THAP8: variants seen among roughly 807,000 people sequenced by gnomAD.
THAP8 encodes THAP domain-containing protein 8.
A neutral mutation model predicts 25.0 loss-of-function variants in THAP8; 24 were observed. The observed-to-expected ratio is 0.96, with a 90% confidence interval of 0.69 to 1.35. THAP8 has a LOEUF of 1.35. THAP8 is among the 40% of genes most tolerant of loss of function. THAP8 has a pLI of 0.00. For missense variants in THAP8, 399 were observed against 368.8 expected, an observed-to-expected ratio of 1.08 and a Z score of -0.67; for synonymous variants, 169 against 157.6, an observed-to-expected ratio of 1.07 and a Z score of -0.54.
rs191725038 is a variant in THAP8, at chr19:36,053,121, G to T, written c.83+1014C>A. Among the ~76,000 whole-genome samples the T allele has an allele frequency of 7.7e-4, 117 of 151,816 alleles. 1 individual carries two copies. The East Asian group carries it at 0.022, about 29-fold the overall frequency. ...TCACTCTTGTTGCCCACGCTGGATT[G>T]CAGTGGCCTCATCTTGGCTCACTGC... On this transcript the variant is annotated intron_variant, in intron 1 of 3. Transcript: ENST00000292894.
upstream of THAP8, chr19:36,054,729 G>A: frequency 3.3e-6 from 2 of 601,072 alleles, no homozygotes; most frequent in South Asian, 3.9e-5. Flanking sequence ...AAGACCCCAT[G>A]ACGCTTAATC....
chr19:36,037,447 G>A (rs769866590), intron 3 of THAP8, among the ~76,000 whole-genome samples: 5 of 151,828 alleles, frequency 3.3e-5, no homozygotes, highest in Non-Finnish European at 7.4e-5. Flanking sequence ...TACAGAGATT[G>A]CAAACTCCAG....
At chr19:36,035,943 T>C (rs1392070494) in intron 3 of THAP8, among the ~76,000 whole-genome samples, 1 of 151,626 alleles carries the variant, frequency 6.6e-6, no homozygotes, top group Non-Finnish European at 1.5e-5. Context: ...GGGAAACAGG[T>C]GGCGGACAGA....
Position 36,035,331 on chromosome 19 carries a change from G to T in THAP8, c.*109C>A. On this transcript the variant is annotated 3_prime_UTR_variant, in exon 4 of 4. Transcript: ENST00000292894. ...GGTAGAACCCAGGCCCTTGAGGGAG[G>T]CACTGCTACTACCCAGGCGTGGGCG... 7.2e-7 allele frequency: 1 copy of T among 1,395,666 alleles called. No homozygotes were observed. The highest frequency in any genetic ancestry group is 9.7e-7 in the Non-Finnish European group (1 of 1,033,348). 86.5% of individuals were successfully genotyped at this position (1,395,666 alleles called of 1,614,324 possible).
At chr19:36,042,496 T>G (rs906995889) in intron 1 of THAP8, among the ~76,000 whole-genome samples, 9 of 152,036 alleles carry the variant, frequency 5.9e-5, no homozygotes, top group African/African-American at 1.9e-4. Context: ...CCAGATATGG[T>G]GGCATGTGCC....
chr19:36,045,593 G>A, intron 1 of THAP8: 1 of 385,470 alleles, frequency 2.6e-6, no homozygotes, highest in African/African-American at 2.1e-5. Context: ...TATGACAAAA[G>A]ATGTGATTAA....
At chr19:36,051,033 G>A (rs963677897) in intron 1 of THAP8, among the ~76,000 whole-genome samples, 6 of 152,186 alleles carry the variant, frequency 3.9e-5, no homozygotes, top group Non-Finnish European at 1.5e-5. Flanking sequence ...ATTCTAGTGG[G>A]GGAGATAATG....
At chr19:36,051,593 A>C (rs955064895) in intron 1 of THAP8, among the ~76,000 whole-genome samples, 2 of 152,158 alleles carry the variant, frequency 1.3e-5, no homozygotes, top group African/African-American at 4.8e-5. Flanking sequence ...AGAAGTGATC[A>C]AATTCTGGAC....
chr19:36,043,503 A>G (rs1012366359), intron 1 of THAP8, among the ~76,000 whole-genome samples: 4 of 152,172 alleles, frequency 2.6e-5, no homozygotes, highest in Non-Finnish European at 5.9e-5. Flanking sequence ...TTGTACACTT[A>G]ATGATCAAAA....
chr19:36,039,828 T>C lies in THAP8; in HGVS notation c.277-110A>G, dbSNP rs1176252070. On this transcript the variant is annotated intron_variant, in intron 2 of 3. Transcript: ENST00000292894. ...GGACTTGCCTAGGTAAGGCCAGACC[T>C]CAGGGAGGAAGTGTCGTCAGGAGGG... 5 of 1,555,788 alleles carry C rather than the reference T, an allele frequency of 3.2e-6. No homozygotes were observed. The African/African-American group carries it at 5.5e-5, about 17-fold the overall frequency.
intron 3 of THAP8, among the ~76,000 whole-genome samples, chr19:36,038,932 T>G (rs933821954): frequency 6.6e-6 from 1 of 152,312 alleles, no homozygotes; most frequent in Admixed American, 6.5e-5. Context: ...TATAACTCTG[T>G]GTCTGGCAGA....
chr19:36,040,210 G>A (rs1969642851), intron 1 of THAP8, 74 bp from the exon 2 acceptor site: 7 of 1,444,632 alleles, frequency 4.8e-6, no homozygotes, highest in African/African-American at 1.4e-5. Flanking sequence ...TACCCACCCT[G>A]GAGGTCTCTG....
chr19:36,035,456 C>A lies in THAP8; in HGVS notation c.809G>T (p.Arg270Leu). The change falls in exon 4 of 4, where the codon CGG (arginine) becomes CTG (leucine). Residue 270 changes from arginine to leucine, a missense_variant. Physicochemically the swap from Arg to Leu is moderately radical, Grantham distance 102. Coordinates refer to ENST00000292894, the MANE Select transcript of THAP8 (RefSeq NM_152658.3). The part of the protein sequence containing the change: ...VDAKPELLDT[R>L]IPSA ...TCTTGATCCTTATGCACTGGGGATC[C>A]GAGTGTCCAGGAGCTCCGGCTTGGC... The A allele has an allele frequency of 6.2e-7, 1 of 1,613,824 alleles. No individual in the cohort carries two copies. The highest frequency in any genetic ancestry group is 8.5e-7 in the Non-Finnish European group (1 of 1,179,824).
rs1200745972 is a variant in THAP8, at chr19:36,054,285, T to A, written c.-68A>T. On this transcript the variant is annotated 5_prime_UTR_variant, in exon 1 of 4. Transcript: ENST00000292894. ...ACTTTGGTTCTCGCGGAGCGCCGCCTAACCCCGCCCCACCCGCGCTCGCCG... is the reference window on the plus strand; with the variant it reads ...ACTTTGGTTCTCGCGGAGCGCCGCCAAACCCCGCCCCACCCGCGCTCGCCG... 2.0e-6 allele frequency: 3 copies of A among 1,536,760 alleles called. No homozygotes were observed. In the East Asian group the frequency reaches 7.2e-5, roughly 37 times the overall value.
At chr19:36,049,508 T>C (rs1042898327) in intron 1 of THAP8, among the ~76,000 whole-genome samples, 2 of 152,196 alleles carry the variant, frequency 1.3e-5, no homozygotes, top group East Asian at 3.9e-4. Flanking sequence ...AAGCCTCTTT[T>C]GGAAACTGCT....
At chr19:36,053,179 TG>T in intron 1 of THAP8, among the ~76,000 whole-genome samples, 1 of 151,986 alleles carries the variant, frequency 6.6e-6, no homozygotes, top group Non-Finnish European at 1.5e-5. Flanking sequence ...GCGATTCTCC[TG>T]CCTCAGCCCA....
Position 36,035,411 on chromosome 19 carries a change from T to C in THAP8, c.*29A>G, listed in dbSNP as rs1210419301. 2 of 1,598,878 alleles carry C rather than the reference T, an allele frequency of 1.3e-6. No individual in the cohort carries two copies. Among genetic ancestry groups the C allele is most frequent in the Admixed American group, 3.4e-5 (2 of 59,372 alleles). ...TCTTTCCTCCTCCATCTTCTATCTT[T>C]TGTCCCTCGACATTGTCTGTCTTGA... On this transcript the variant is annotated 3_prime_UTR_variant, in exon 4 of 4. Transcript: ENST00000292894.
intron 3 of THAP8, among the ~76,000 whole-genome samples, chr19:36,036,091 C>A (rs543215312): frequency 5.9e-5 from 9 of 151,906 alleles, no homozygotes; most frequent in African/African-American, 1.9e-4. Context: ...GCAGGCTCCA[C>A]AAAGAGCCCC....
intron 1 of THAP8, 63 bp downstream of exon 1, chr19:36,054,072 T>A (rs977715402): frequency 8.0e-5 from 124 of 1,558,096 alleles, no homozygotes; most frequent in Non-Finnish European, 9.8e-5. Flanking sequence ...GCAGCACTAA[T>A]GCTCGGGCCC....
Sources: allele counts gnomAD v4.1 joint callset (sites outside exome capture counted in the v4.1 genomes callset), GRCh38; gene constraint gnomAD v4.1.1; transcripts MANE v1.5; gene names NCBI Gene and HGNC (gene_info 2026-07-23, HGNC 2026-07-21).